The following MALL variants were observed in gnomAD, a reference collection of about 807,000 sequenced individuals.
MALL encodes mal, T cell differentiation protein like.
MALL carries 2 observed loss-of-function variants against 10.3 expected under a neutral mutation model. That is an observed-to-expected ratio of 0.19 (90% CI 0.08 to 0.61). The LOEUF is 0.61. MALL is among the 20% of genes least tolerant of loss of function. MALL has a pLI of 0.88. For missense variants in MALL, 39 were observed against 115.2 expected (o/e 0.34, Z 3.03); for synonymous variants, 27 against 51.8 (o/e 0.52, Z 2.05).
intron 1 of MALL, among the ~76,000 whole-genome samples, chr2:110,110,827 C>T (rs1457072070): frequency 6.6e-6 from 1 of 152,074 alleles, no homozygotes; most frequent in Admixed American, 6.5e-5. Context: ...TAACAAAATA[C>T]TAGCTAACTG....
At chr2:110,102,923 A>ATCCCCCTCCATACC (rs1411821700) in intron 1 of MALL, among the ~76,000 whole-genome samples, 1 of 152,126 alleles carries the variant, frequency 6.6e-6, no homozygotes, top group Non-Finnish European at 1.5e-5. Context: ...ATAAATACAC[A>ATCCCCCTCCATACC]TCCCCCTCCA....
chr2:110,114,190 A>C (rs1678862223), intron 1 of MALL, among the ~76,000 whole-genome samples: 1 of 150,756 alleles, frequency 6.6e-6, no homozygotes, highest in African/African-American at 2.4e-5. Flanking sequence ...CTTTCCCCCC[A>C]GCCTGTAAAT....
intron 1 of MALL, among the ~76,000 whole-genome samples, chr2:110,103,638 C>T (rs1015684783): frequency 3.3e-5 from 5 of 152,190 alleles, no homozygotes; most frequent in Non-Finnish European, 7.3e-5. Context: ...TCCAGTGGGT[C>T]AGACTGCCCG....
intron 1 of MALL, among the ~76,000 whole-genome samples, chr2:110,104,454 G>A (rs1350694187): frequency 6.6e-6 from 1 of 151,612 alleles, no homozygotes; most frequent in Non-Finnish European, 1.5e-5. Context: ...GGCCATGTCT[G>A]TCTTGTTTAT....
intron 1 of MALL, among the ~76,000 whole-genome samples, chr2:110,110,924 C>T (rs1678790444): frequency 6.6e-6 from 1 of 152,058 alleles, no homozygotes; most frequent in Admixed American, 6.6e-5. Flanking sequence ...ATATGCAAGT[C>T]AATAAATGTG....
At chr2:110,115,991 G>A, upstream of MALL, 1 of 392,430 alleles carries the variant, frequency 2.5e-6, no homozygotes. Flanking sequence ...GGCTCTGCCT[G>A]GCCGGCGGGG....
intron 1 of MALL, among the ~76,000 whole-genome samples, chr2:110,096,710 TACACACACAC>T (rs61332655): frequency 2.8e-5 from 4 of 140,866 alleles, no homozygotes; most frequent in African/African-American, 1.1e-4. Context: ...AAAATGTACC[TACACACACAC>T]ACACACACAC....
chr2:110,107,482 A>G (rs1363294974), intron 1 of MALL, among the ~76,000 whole-genome samples: 2 of 152,238 alleles, frequency 1.3e-5, no homozygotes, highest in Middle Eastern at 3.4e-3. Context: ...TCCTAAGTGC[A>G]CAACTCCAGT....
At chr2:110,106,068 T>C (rs926204715) in intron 1 of MALL, among the ~76,000 whole-genome samples, 23 of 152,262 alleles carry the variant, frequency 1.5e-4, no homozygotes, top group African/African-American at 4.6e-4. Context: ...ACATCTAACA[T>C]CAAACAAAGA....
intron 1 of MALL, among the ~76,000 whole-genome samples, chr2:110,100,554 T>G (rs1451973618): frequency 3.9e-5 from 6 of 152,086 alleles, no homozygotes; most frequent in Non-Finnish European, 8.8e-5. Flanking sequence ...AAATACTGTT[T>G]CCTGGATCTT....
chr2:110,106,790 C>T (rs1327410967), intron 1 of MALL, among the ~76,000 whole-genome samples: 5 of 152,080 alleles, frequency 3.3e-5, no homozygotes, highest in African/African-American at 4.8e-5. Context: ...TTATTTGGAA[C>T]GGCCAAGAAC....
rs1678654881 is a variant in MALL, at chr2:110,104,892, T to C, written c.105+10796A>G. ...CATGGGGCTAGAGTGGCAGTAGTGT[T>C]TCAATAAACACTTGTTGACTTACAA... is the stretch of plus-strand genomic sequence containing the variant. On this transcript the variant is annotated intron_variant, in intron 1 of 3. Transcript: ENST00000272462. Among the ~76,000 whole-genome samples, 3 of 152,200 alleles carry C rather than the reference T, an allele frequency of 2.0e-5. 1 individual carries two copies. In the South Asian group the frequency reaches 6.2e-4, roughly 32 times the overall value.
At chr2:110,099,346 A>C (rs1447002704) in intron 1 of MALL, among the ~76,000 whole-genome samples, 1 of 152,168 alleles carries the variant, frequency 6.6e-6, no homozygotes, top group Non-Finnish European at 1.5e-5. Flanking sequence ...GAAAGTGCCA[A>C]GTGTATTAAT....
At chr2:110,113,327 A>T (rs1178433810) in intron 1 of MALL, among the ~76,000 whole-genome samples, 1 of 150,520 alleles carries the variant, frequency 6.6e-6, no homozygotes, top group Non-Finnish European at 1.5e-5. Flanking sequence ...AGTCCCAGCT[A>T]CTCGGGAGGC....
intron 1 of MALL, among the ~76,000 whole-genome samples, chr2:110,113,133 A>G (rs970330307): frequency 6.6e-6 from 1 of 151,872 alleles, no homozygotes; most frequent in East Asian, 1.9e-4. Flanking sequence ...GAGAGGAGTG[A>G]GGGATAAAAG....
chr2:110,101,416 C>T (rs1413278872), intron 1 of MALL, among the ~76,000 whole-genome samples: 1 of 152,148 alleles, frequency 6.6e-6, no homozygotes, highest in African/African-American at 2.4e-5. Flanking sequence ...AGGAAATTGC[C>T]AGCCCAGGCC....
intron 1 of MALL, among the ~76,000 whole-genome samples, chr2:110,108,825 A>C (rs1313878904): frequency 6.6e-6 from 1 of 152,230 alleles, no homozygotes; most frequent in Non-Finnish European, 1.5e-5. Context: ...AAAAGCTATC[A>C]GATTAGCAGC....
chr2:110,115,466 G>C (rs1362073844), intron 1 of MALL, among the ~76,000 whole-genome samples: 3 of 151,408 alleles, frequency 2.0e-5, no homozygotes, highest in African/African-American at 7.3e-5. Context: ...CAGCCCCTGT[G>C]CTCGCTCCCC....
At chr2:110,104,085 C>T (rs1210970645) in intron 1 of MALL, among the ~76,000 whole-genome samples, 2 of 152,118 alleles carry the variant, frequency 1.3e-5, no homozygotes, top group Non-Finnish European at 2.9e-5. Context: ...GGTCCCAGTG[C>T]CCTTTCTTTA....
Sources: gnomAD v4.1 joint callset for allele counts (sites outside exome capture counted in the v4.1 genomes callset) on GRCh38, gnomAD v4.1.1 for gene constraint, MANE v1.5 for transcripts, NCBI Gene and HGNC (gene_info 2026-07-23, HGNC 2026-07-21) for gene names.